ST13: variants seen among roughly 807,000 people sequenced by gnomAD.
ST13 encodes hsc70-interacting protein.
A neutral mutation model predicts 56.7 loss-of-function variants in ST13; 23 were observed. That is an observed-to-expected ratio of 0.41 (90% CI 0.29 to 0.57). The LOEUF is 0.57. Among genes scored for constraint, ST13 ranks in the 20% least tolerant of loss-of-function variants. The pLI is 0.36. For synonymous variants in ST13, 132 were observed against 142.4 expected (o/e 0.93, Z 0.52); for missense variants, 369 against 459.9 (o/e 0.80, Z 1.81).
intron 7 of ST13, among the ~76,000 whole-genome samples, chr22:40,833,888 A>G (rs2057765553): frequency 6.6e-6 from 1 of 151,986 alleles, no homozygotes; most frequent in Non-Finnish European, 1.5e-5. Flanking sequence ...AAAACAAAAC[A>G]CTGTGTATTG....
chr22:40,840,846 T>C (rs1264199069), intron 4 of ST13, among the ~76,000 whole-genome samples, 154 bp from the exon 5 acceptor site: 1 of 152,184 alleles, frequency 6.6e-6, no homozygotes, highest in African/African-American at 2.4e-5. Flanking sequence ...GATAACTCAT[T>C]AGTGAGAAAT....
At chr22:40,844,254 A>C (rs2057819829) in intron 4 of ST13, among the ~76,000 whole-genome samples, 1 of 152,204 alleles carries the variant, frequency 6.6e-6, no homozygotes, top group Non-Finnish European at 1.5e-5. Context: ...AAATCTGATA[A>C]TATCAAGTTT....
At position 40,827,678 on chromosome 22, in the gene ST13, AAT is replaced by A. The variant is rs539475177; in HGVS notation, c.848-451_848-450del. ...TATAAATATATTTTTTATTTTTATA[AAT>A]ATGTTTTATATTTTTATATCAAGTT... On this transcript the variant is annotated intron_variant, in intron 10 of 11. Coordinates refer to ENST00000216218, the MANE Select transcript of ST13 (RefSeq NM_003932.5). Among the ~76,000 whole-genome samples the A allele has an allele frequency of 4.1e-3, 625 of 151,656 alleles. 3 individuals carry two copies. The highest frequency in any genetic ancestry group is 0.014 in the African/African-American group (575 of 41,426).
In ST13 at chr22:40,835,442, C is replaced by T. The variant is rs1254246695; in HGVS notation, c.578+118G>A. The T allele has an allele frequency of 1.2e-5, 10 of 805,358 alleles. No individual in the cohort carries two copies. The East Asian group carries it at 2.5e-4, about 20-fold the overall frequency. 49.9% of individuals were successfully genotyped at this position (805,358 alleles called of 1,614,324 possible). A position where few individuals can be genotyped will look rare whatever the true frequency, so the allele number is the denominator to read the frequency against. ...CTATCTCACTTCTTGATACTAAGTA[C>T]ACACTAATTTGAAAATTAAGTCATT... On this transcript the variant is annotated intron_variant, in intron 7 of 11. Coordinates refer to ENST00000216218, the MANE Select transcript of ST13 (RefSeq NM_003932.5).
intron 4 of ST13, among the ~76,000 whole-genome samples, chr22:40,842,566 TAAAG>T (rs1317094675): frequency 6.6e-6 from 1 of 152,098 alleles, no homozygotes; most frequent in African/African-American, 2.4e-5. Flanking sequence ...CAGAGAGTGA[TAAAG>T]AAATGAAACT....
At chr22:40,830,784 T>TAGGA (rs1462858830) in intron 9 of ST13, 56 bp downstream of exon 9, 202 of 1,102,264 alleles carry the variant, frequency 1.8e-4, no homozygotes, top group Non-Finnish European at 2.1e-4. Context: ...AGTGTCCTAA[T>TAGGA]GCCTCTACAT....
In ST13 at chr22:40,832,589, G is replaced by A. The variant is rs1251352324; in HGVS notation, c.661C>T (p.Leu221=). The change falls in exon 8 of 12, where the codon CTG becomes TTG. Residue 221 remains leucine, a synonymous_variant. Transcript: ENST00000216218. ...CATACCCTAGGTTGAACTTCTTTCA[G>A]CATTGCACTAGCATCTTCATCATAA... is the stretch of plus-strand genomic sequence containing the variant. The part of the protein sequence containing the change: ...LDYDEDASAM[L]KEVQPRAQKI... 1 of 1,608,476 alleles carries A rather than the reference G, an allele frequency of 6.2e-7. No homozygotes were observed. The highest frequency in any genetic ancestry group is 8.5e-7 in the Non-Finnish European group (1 of 1,179,424).
chr22:40,848,850 T>C (rs1029555825), intron 2 of ST13, among the ~76,000 whole-genome samples: 2 of 152,242 alleles, frequency 1.3e-5, no homozygotes, highest in Non-Finnish European at 2.9e-5. Context: ...ATTGCCAAAT[T>C]TAGTAAAAAT....
intron 10 of ST13, among the ~76,000 whole-genome samples, chr22:40,827,465 A>C (rs900374192): frequency 6.6e-6 from 1 of 152,070 alleles, no homozygotes; most frequent in Non-Finnish European, 1.5e-5. Context: ...TTTTTCTAGT[A>C]ATAACACTGT....
In ST13 at chr22:40,824,792, GGTGA is replaced by G. The variant is rs1478595709; in HGVS notation, c.*1742_*1745del. On this transcript the variant is annotated 3_prime_UTR_variant, in exon 12 of 12. Coordinates refer to ENST00000216218, the MANE Select transcript of ST13 (RefSeq NM_003932.5). The stretch of plus-strand genomic sequence containing the variant: ...CACAAGCTCAAATGCAAGTTTATAT[GGTGA>G]GTGTTTTTAAAGGATTTAAAAAGCA... 2 of 152,176 alleles carry G rather than the reference GGTGA, an allele frequency of 1.3e-5. No homozygotes were observed. The highest frequency in any genetic ancestry group is 2.4e-5 in the African/African-American group (1 of 41,446). The allele number at this position is 152,176 out of a possible 1,614,324, so 9.4% of individuals were successfully genotyped here.
rs186765683 is a variant in ST13, at chr22:40,846,901, A to G, written c.244+1393T>C. ...TCCCAGCTACTCAGGAGGCTGAGGC[A>G]GGAGACTCGCTTGAACCCAGGAGGG... is the stretch of plus-strand genomic sequence containing the variant. On this transcript the variant is annotated intron_variant, in intron 3 of 11. Coordinates refer to ENST00000216218, the MANE Select transcript of ST13 (RefSeq NM_003932.5). Among the ~76,000 whole-genome samples the G allele has an allele frequency of 8.4e-3, 1,277 of 152,256 alleles. 11 individuals are homozygous for G. Among genetic ancestry groups the G allele is most frequent in the Middle Eastern group, 0.031 (9 of 294 alleles).
intron 5 of ST13, 22 bp from the exon 6 acceptor site, chr22:40,835,909 C>T (rs770580207): frequency 3.8e-6 from 6 of 1,560,106 alleles, no homozygotes; most frequent in East Asian, 4.5e-5. Flanking sequence ...CAAAAGTTAT[C>T]GAGAAATATT....
intron 5 of ST13, 95 bp downstream of exon 5, chr22:40,840,531 C>G: frequency 9.5e-7 from 1 of 1,056,256 alleles, no homozygotes; most frequent in Non-Finnish European, 1.4e-6. Context: ...CAGTATAGGA[C>G]AGGTACATGT....
intron 5 of ST13, among the ~76,000 whole-genome samples, chr22:40,836,312 G>A (rs1357526020): frequency 4.6e-5 from 7 of 152,180 alleles, no homozygotes; most frequent in South Asian, 2.1e-4. Flanking sequence ...TTAGCTGGGC[G>A]TGGGGGCGGA....
intron 5 of ST13, among the ~76,000 whole-genome samples, chr22:40,837,515 G>A (rs1375974739): frequency 3.3e-5 from 5 of 152,248 alleles, no homozygotes; most frequent in East Asian, 1.9e-4. Flanking sequence ...ATATGGTGGC[G>A]CATGCCTGTA....
At chr22:40,827,766 A>C (rs1199564569) in intron 10 of ST13, among the ~76,000 whole-genome samples, 1 of 152,042 alleles carries the variant, frequency 6.6e-6, no homozygotes, top group Admixed American at 6.6e-5. Flanking sequence ...CAACCTCCCA[A>C]AGTGCTGGGA....
chr22:40,834,239 C>T lies in ST13; in HGVS notation c.578+1321G>A, dbSNP rs149932405. On this transcript the variant is annotated intron_variant, in intron 7 of 11. Transcript: ENST00000216218. The stretch of plus-strand genomic sequence containing the variant: ...GGTGAAGGTTGCAGTGAGCCTAGAT[C>T]GCACCACTGCACTCCAGCCTGGGCA... Among the ~76,000 whole-genome samples the T allele has an allele frequency of 3.7e-3, 554 of 151,770 alleles. 3 individuals are homozygous for T. Among genetic ancestry groups the T allele is most frequent in the Non-Finnish European group, 6.3e-3 (430 of 67,880 alleles).
chr22:40,840,772 C>T (rs985618317), intron 4 of ST13, 80 bp from the exon 5 acceptor site: 4 of 1,180,240 alleles, frequency 3.4e-6, no homozygotes, highest in African/African-American at 1.5e-5. Flanking sequence ...AGGGATGAGG[C>T]GCAGTCACAA....
chr22:40,851,090 A>G (rs1035773347), intron 1 of ST13, among the ~76,000 whole-genome samples: 1 of 152,092 alleles, frequency 6.6e-6, no homozygotes, highest in Non-Finnish European at 1.5e-5. Context: ...TGGCTAATGA[A>G]CCCCTTTCTT....
Sources: allele counts gnomAD v4.1 joint callset (sites outside exome capture counted in the v4.1 genomes callset), GRCh38; gene constraint gnomAD v4.1.1; transcripts MANE v1.5; gene names NCBI Gene and HGNC (gene_info 2026-07-23, HGNC 2026-07-21).